The following RBPMS variants were observed in gnomAD, a reference collection of about 807,000 sequenced individuals.
The protein encoded by RBPMS is RNA-binding protein with multiple splicing.
A neutral mutation model predicts 26.8 loss-of-function variants in RBPMS; 7 were observed. The observed-to-expected ratio is 0.26, with a 90% CI of 0.15 to 0.49. The LOEUF (loss-of-function observed/expected upper bound fraction) is 0.49. RBPMS is among the 20% of genes least tolerant of loss of function. The pLI is 0.98. For synonymous variants in RBPMS, 96 were observed against 93.3 expected (o/e 1.03, Z -0.17); for missense variants, 186 against 250.0 (o/e 0.74, Z 1.73).
chr8:30,418,179 A>G (rs1464074453), intron 1 of RBPMS, among the ~76,000 whole-genome samples: 3 of 152,212 alleles, frequency 2.0e-5, no homozygotes, highest in East Asian at 3.8e-4. Context: ...GCTCTCTACA[A>G]TTACATCAAT....
chr8:30,548,826 G>T (rs1826063458), intron 6 of RBPMS, among the ~76,000 whole-genome samples: 1 of 152,114 alleles, frequency 6.6e-6, no homozygotes, highest in Non-Finnish European at 1.5e-5. Context: ...CTGAAAACTA[G>T]ATTTAAAAAA....
chr8:30,561,217 G>A (rs1389867408), intron 7 of RBPMS, among the ~76,000 whole-genome samples: 1 of 152,138 alleles, frequency 6.6e-6, no homozygotes, highest in African/African-American at 2.4e-5. Flanking sequence ...CTATATCTGA[G>A]ATATAGTCTA....
intron 1 of RBPMS, among the ~76,000 whole-genome samples, chr8:30,433,111 A>C (rs1198264592): frequency 6.6e-6 from 1 of 152,172 alleles, no homozygotes; most frequent in Non-Finnish European, 1.5e-5. Flanking sequence ...ACTCCCCCCA[A>C]ACTTGACTAA....
chr8:30,433,109 C>T (rs1293320661), intron 1 of RBPMS, among the ~76,000 whole-genome samples: 1 of 152,210 alleles, frequency 6.6e-6, no homozygotes, highest in African/African-American at 2.4e-5. Context: ...TCACTCCCCC[C>T]AAACTTGACT....
chr8:30,572,008 C>T lies in RBPMS; in HGVS notation c.*1483C>T, dbSNP rs1384719662. 2 of 152,008 alleles carry T rather than the reference C, an allele frequency of 1.3e-5. No individual in the cohort carries two copies. Among genetic ancestry groups the T allele is most frequent in the Non-Finnish European group, 2.9e-5 (2 of 67,998 alleles). The allele number at this position is 152,008 out of a possible 1,614,324, so 9.4% of individuals were successfully genotyped here. A position where few individuals can be genotyped will look rare whatever the true frequency, so the allele number is the denominator to read the frequency against. The stretch of plus-strand genomic sequence containing the variant: ...GCTTTTAAAGGTCAACACAAAAAAC[C>T]AAGGCCAGGAGTGAGGGGCTCTTTC... On this transcript the variant is annotated 3_prime_UTR_variant, in exon 9 of 9. Transcript: ENST00000397323.
intron 5 of RBPMS, among the ~76,000 whole-genome samples, chr8:30,522,759 G>T (rs909535205): frequency 6.6e-6 from 1 of 152,020 alleles, no homozygotes; most frequent in Admixed American, 6.5e-5. Context: ...TCTCAATTAG[G>T]TGATTTTTAA....
chr8:30,432,356 TA>T (rs1812035301), intron 1 of RBPMS, among the ~76,000 whole-genome samples: 1 of 152,302 alleles, frequency 6.6e-6, no homozygotes, highest in East Asian at 1.9e-4. Context: ...ATTTACATAA[TA>T]TTTTTTACTC....
intron 1 of RBPMS, among the ~76,000 whole-genome samples, chr8:30,465,871 C>T (rs1816437639): frequency 6.6e-6 from 1 of 152,190 alleles, no homozygotes; most frequent in African/African-American, 2.4e-5. Context: ...CTGGGATTGG[C>T]TCCTCAAAGA....
intron 5 of RBPMS, among the ~76,000 whole-genome samples, chr8:30,521,224 A>G (rs1047634114): frequency 3.9e-5 from 6 of 152,206 alleles, no homozygotes; most frequent in African/African-American, 1.4e-4. Flanking sequence ...TTGGTCCCTG[A>G]AATGGAATGT....
intron 1 of RBPMS, among the ~76,000 whole-genome samples, chr8:30,393,026 CAAAATTTAGTG>C (rs1807970849): frequency 1.3e-5 from 2 of 151,790 alleles, no homozygotes; most frequent in Admixed American, 6.6e-5. Flanking sequence ...GAAAGAGATA[CAAAATTTAGTG>C]AAAATTTAGA....
chr8:30,519,865 TTGTC>T (rs1822849139), intron 5 of RBPMS, among the ~76,000 whole-genome samples: 1 of 152,200 alleles, frequency 6.6e-6, no homozygotes, highest in South Asian at 2.1e-4. Context: ...TCTCCTGGGT[TTGTC>T]TGTTTTCTTC....
At chr8:30,496,173 C>CTT (rs34079966) in intron 4 of RBPMS, among the ~76,000 whole-genome samples, 3,652 of 144,888 alleles carry the variant, frequency 0.025, 151 homozygotes, top group African/African-American at 0.084. Context: ...TTGCGCATTT[C>CTT]TTTTTTTTTT....
intron 5 of RBPMS, among the ~76,000 whole-genome samples, chr8:30,507,373 A>AGT (rs1445055175): frequency 1.3e-5 from 2 of 152,216 alleles, no homozygotes; most frequent in Non-Finnish European, 2.9e-5. Context: ...AAATAGATAT[A>AGT]GTGTATGTAA....
At chr8:30,465,858 G>C (rs978571720) in intron 1 of RBPMS, among the ~76,000 whole-genome samples, 7 of 152,166 alleles carry the variant, frequency 4.6e-5, no homozygotes, top group Non-Finnish European at 5.9e-5. Context: ...GCATTGGATT[G>C]GGCTGGGATT....
intron 5 of RBPMS, among the ~76,000 whole-genome samples, chr8:30,507,111 GA>G (rs914884370): frequency 6.6e-6 from 1 of 152,200 alleles, no homozygotes; most frequent in Non-Finnish European, 1.5e-5. Flanking sequence ...TGGAGAGTGA[GA>G]AAACCAGGTG....
intron 1 of RBPMS, among the ~76,000 whole-genome samples, chr8:30,442,380 C>A (rs1296426352): frequency 6.6e-6 from 1 of 152,158 alleles, no homozygotes; most frequent in African/African-American, 2.4e-5. Flanking sequence ...CGTTTTGTTG[C>A]ACTCTAGGAT....
intron 1 of RBPMS, among the ~76,000 whole-genome samples, chr8:30,389,165 T>A (rs1402066011): frequency 2.6e-5 from 4 of 152,240 alleles, no homozygotes; most frequent in African/African-American, 9.6e-5. Context: ...GGATCTCTGT[T>A]ATTCCAAGTT....
chr8:30,508,138 GAA>G (rs1227132843), intron 5 of RBPMS, among the ~76,000 whole-genome samples: 2 of 152,102 alleles, frequency 1.3e-5, no homozygotes, highest in African/African-American at 4.8e-5. Flanking sequence ...CATATAAGAA[GAA>G]AAAGAGACAC....
chr8:30,457,572 T>G (rs1815360803), intron 1 of RBPMS, among the ~76,000 whole-genome samples: 1 of 150,652 alleles, frequency 6.6e-6, no homozygotes, highest in Non-Finnish European at 1.5e-5. Flanking sequence ...TTTTAGAATT[T>G]GATTTACATT....
Sources: allele counts gnomAD v4.1 joint callset (sites outside exome capture counted in the v4.1 genomes callset), GRCh38; gene constraint gnomAD v4.1.1; transcripts MANE v1.5; gene names NCBI Gene and HGNC (gene_info 2026-07-23, HGNC 2026-07-21).